THSD7B: variants seen among roughly 807,000 people sequenced by gnomAD.
THSD7B encodes the protein thrombospondin type 1 domain containing 7B, also known as thrombospondin type-1 domain-containing protein 7B.
Under a neutral mutation model 213.6 loss-of-function variants are expected in THSD7B, and 138 were observed. That is an observed-to-expected ratio of 0.65 (90% CI 0.56 to 0.74). The LOEUF (loss-of-function observed/expected upper bound fraction) is 0.74. Ranked by LOEUF, THSD7B falls within the 30% of genes least tolerant of loss-of-function variation. THSD7B has a pLI of 0.00. For synonymous variants in THSD7B, 742 were observed against 687.0 expected, an observed-to-expected ratio of 1.08 and a Z score of -1.25; for missense variants, 1,931 against 1,991.5, an observed-to-expected ratio of 0.97 and a Z score of 0.58.
At chr2:137,007,318 C>G (rs1196170101) in intron 2 of THSD7B, among the ~76,000 whole-genome samples, 3 of 151,992 alleles carry the variant, frequency 2.0e-5, no homozygotes, top group Admixed American at 1.3e-4. Flanking sequence ...TATTTAGATG[C>G]CTAAATATAC....
intron 3 of THSD7B, among the ~76,000 whole-genome samples, chr2:137,087,083 T>A (rs576116310): frequency 1.3e-5 from 2 of 152,296 alleles, no homozygotes; most frequent in Admixed American, 1.3e-4. Context: ...ATGAATTCTA[T>A]CTGCATGGTC....
At chr2:137,385,761 C>T (rs919675107) in intron 12 of THSD7B, among the ~76,000 whole-genome samples, 3 of 152,168 alleles carry the variant, frequency 2.0e-5, no homozygotes, top group African/African-American at 7.2e-5. Context: ...GACCTTCTGC[C>T]ACCATATTCC....
chr2:137,284,589 G>C lies in THSD7B; in HGVS notation c.2500+8563G>C, dbSNP rs570617742. Among the ~76,000 whole-genome samples the C allele has an allele frequency of 5.0e-3, 760 of 152,140 alleles. 6 individuals carry two copies. Among genetic ancestry groups the C allele is most frequent in the African/African-American group, 0.017 (721 of 41,516 alleles). On this transcript the variant is annotated intron_variant, in intron 12 of 27. Transcript: ENST00000409968. ...GCTTTGAATGTGTCCCAGAGATTCTGGTATGTTGTGTCTTTGTTGTCGTTG... is the reference window on the plus strand; with the variant it reads ...GCTTTGAATGTGTCCCAGAGATTCTCGTATGTTGTGTCTTTGTTGTCGTTG...
rs183628269 is a variant in THSD7B at position 137,652,371 on chromosome 2, C to G, written c.3946-3130C>G. Reference sequence around the variant, plus strand: ...TTTAGCTGATACAAATACAGCTGCTCCTTCTCTTTTTGGTTTCCAGTTGCA... The same window carrying G: ...TTTAGCTGATACAAATACAGCTGCTGCTTCTCTTTTTGGTTTCCAGTTGCA... On this transcript the variant is annotated intron_variant, in intron 21 of 27. Transcript: ENST00000409968. 4.1e-3 allele frequency among the ~76,000 whole-genome samples: 622 copies of G among 152,136 alleles called. 2 individuals carry two copies. The highest frequency in any genetic ancestry group is 5.0e-3 in the Non-Finnish European group (337 of 67,932).
intron 2 of THSD7B, among the ~76,000 whole-genome samples, chr2:137,006,290 GAGGCTGAGGCAGGAGAATGGCATGA>G (rs1312565031): frequency 6.6e-6 from 1 of 152,136 alleles, no homozygotes; most frequent in Non-Finnish European, 1.5e-5. Context: ...AACTACTCAG[GAGGCTGAGGCAGGAGAATGGCATGA>G]ACCCGGGAGG....
At chr2:136,828,970 C>G (rs1280050825) in intron 1 of THSD7B, among the ~76,000 whole-genome samples, 1 of 152,192 alleles carries the variant, frequency 6.6e-6, no homozygotes, top group African/African-American at 2.4e-5. Flanking sequence ...TAACTAATTG[C>G]TGAATTAGCA....
chr2:137,492,753 C>T (rs571112813), intron 15 of THSD7B, among the ~76,000 whole-genome samples: 4 of 152,146 alleles, frequency 2.6e-5, no homozygotes, highest in African/African-American at 7.2e-5. Context: ...CATAAATTAG[C>T]ACGTTAATAA....
chr2:137,100,151 T>C (rs1688122730), intron 4 of THSD7B, among the ~76,000 whole-genome samples: 1 of 152,154 alleles, frequency 6.6e-6, no homozygotes, highest in Non-Finnish European at 1.5e-5. Context: ...GATGAATTTT[T>C]AGATAAATAT....
At chr2:136,928,176 A>G (rs771130113) in intron 2 of THSD7B, among the ~76,000 whole-genome samples, 1 of 152,214 alleles carries the variant, frequency 6.6e-6, no homozygotes, top group Non-Finnish European at 1.5e-5. Flanking sequence ...AGCCTTGCAC[A>G]TGTTTAGAAC....
At chr2:137,301,802 A>C in intron 12 of THSD7B, among the ~76,000 whole-genome samples, 1 of 152,064 alleles carries the variant, frequency 6.6e-6, no homozygotes, top group Non-Finnish European at 1.5e-5. Context: ...AATCAGGAGA[A>C]GAACAGTGAG....
chr2:136,794,827 T>C (rs1044841175), intron 1 of THSD7B, among the ~76,000 whole-genome samples: 2 of 145,950 alleles, frequency 1.4e-5, no homozygotes, highest in African/African-American at 5.1e-5. Context: ...TGTCTAGTTC[T>C]CTATTTTTTT....
chr2:137,097,088 A>G (rs1688052696), intron 4 of THSD7B, among the ~76,000 whole-genome samples: 1 of 152,176 alleles, frequency 6.6e-6, no homozygotes, highest in African/African-American at 2.4e-5. Flanking sequence ...TCTTAATGGT[A>G]TACAGGCAGG....
At chr2:137,320,083 A>G (rs921082487) in intron 12 of THSD7B, among the ~76,000 whole-genome samples, 1 of 152,180 alleles carries the variant, frequency 6.6e-6, no homozygotes, top group African/African-American at 2.4e-5. Context: ...GATTTCTTTT[A>G]TAAGAGAAAA....
At chr2:136,914,893 C>G (rs1262297594) in intron 2 of THSD7B, among the ~76,000 whole-genome samples, 2 of 151,982 alleles carry the variant, frequency 1.3e-5, no homozygotes, top group Non-Finnish European at 2.9e-5. Context: ...TGATAGGCAT[C>G]ATATAACTGT....
At chr2:137,112,373 A>AG (rs375688882) in intron 4 of THSD7B, among the ~76,000 whole-genome samples, 3 of 151,240 alleles carry the variant, frequency 2.0e-5, no homozygotes, top group African/African-American at 7.3e-5. Flanking sequence ...TAAAAAAAAA[A>AG]TAGCAATAGT....
At chr2:137,026,023 G>A (rs1438591636) in intron 2 of THSD7B, among the ~76,000 whole-genome samples, 4 of 152,104 alleles carry the variant, frequency 2.6e-5, no homozygotes, top group Non-Finnish European at 5.9e-5. Flanking sequence ...TCTGAGCAAT[G>A]CTCAGTTCTT....
Position 137,094,872 on chromosome 2 carries a change from G to A in THSD7B, c.951-1G>A. The A allele has an allele frequency of 6.2e-7, 1 of 1,606,592 alleles. No homozygotes were observed. The highest frequency in any genetic ancestry group is 8.5e-7 in the Non-Finnish European group (1 of 1,175,530). On this transcript the variant is annotated splice_acceptor_variant, in intron 3 of 27. Coordinates refer to ENST00000409968, the MANE Select transcript of THSD7B (RefSeq NM_001316349.2). LOFTEE classifies it high-confidence loss of function. ...CTATTTTCTACTTCTGTTTTTTTCA[G>A]CCTTTGCCTTCAAGATTCCTTCCCA... is the stretch of plus-strand genomic sequence containing the variant.
At chr2:137,517,002 A>C (rs1216816683) in intron 15 of THSD7B, among the ~76,000 whole-genome samples, 1 of 152,180 alleles carries the variant, frequency 6.6e-6, no homozygotes, top group Non-Finnish European at 1.5e-5. Context: ...TGTAAGCTTA[A>C]CCAAGTGGTG....
At chr2:137,390,930 G>A (rs1320247923) in intron 12 of THSD7B, among the ~76,000 whole-genome samples, 3 of 151,962 alleles carry the variant, frequency 2.0e-5, no homozygotes, top group African/African-American at 7.3e-5. Context: ...TCATTTGCTT[G>A]CATTTTGATG....
Sources: allele counts gnomAD v4.1 joint callset (sites outside exome capture counted in the v4.1 genomes callset), GRCh38; gene constraint gnomAD v4.1.1; transcripts MANE v1.5; gene names NCBI Gene and HGNC (gene_info 2026-07-23, HGNC 2026-07-21).